The following RNLS variants were observed in gnomAD, a reference collection of about 807,000 sequenced individuals.
The protein encoded by RNLS is renalase, FAD dependent amine oxidase.
A neutral mutation model predicts 39.8 loss-of-function variants in RNLS; 39 were observed. That is an observed-to-expected ratio of 0.98 (90% CI 0.76 to 1.28). RNLS has a LOEUF of 1.28. Ranked by LOEUF, RNLS falls within the 50% of genes most tolerant of loss-of-function variation. The probability of loss-of-function intolerance (pLI) is 0.00; values close to 1 mark genes in which losing one functional copy is unlikely to be tolerated. For synonymous variants in RNLS, 147 were observed against 150.7 expected (o/e 0.98, Z 0.18); for missense variants, 410 against 413.3 (o/e 0.99, Z 0.07).
intron 4 of RNLS, among the ~76,000 whole-genome samples, chr10:88,415,701 T>C (rs560956228): frequency 2.0e-5 from 3 of 152,180 alleles, no homozygotes; most frequent in African/African-American, 7.2e-5. Flanking sequence ...GAGATATGCA[T>C]GTATGCTTCT....
chr10:88,496,018 AT>A (rs1845155033), intron 4 of RNLS, among the ~76,000 whole-genome samples: 1 of 152,118 alleles, frequency 6.6e-6, no homozygotes, highest in South Asian at 2.1e-4. Flanking sequence ...TAAGACAAAC[AT>A]TTTTAACTTG....
the RNLS span, among the ~76,000 whole-genome samples, chr10:88,224,277 G>T: frequency 6.6e-6 from 1 of 152,160 alleles, no homozygotes; most frequent in Non-Finnish European, 1.5e-5. Flanking sequence ...TTCTCACATG[G>T]CAGAAGGGCA....
chr10:88,397,240 T>C (rs776486080), intron 4 of RNLS, among the ~76,000 whole-genome samples: 1 of 151,898 alleles, frequency 6.6e-6, no homozygotes, highest in South Asian at 2.1e-4. Context: ...TTTCAGTAAA[T>C]TTAAAAGAAT....
chr10:88,477,973 T>C (rs545528582), intron 4 of RNLS, among the ~76,000 whole-genome samples: 6 of 152,206 alleles, frequency 3.9e-5, no homozygotes, highest in Non-Finnish European at 5.9e-5. Flanking sequence ...TATGAGGCCA[T>C]ATGGCCCAGT....
the RNLS span, among the ~76,000 whole-genome samples, chr10:88,177,024 C>T: frequency 0.017 from 2,654 of 152,264 alleles, 84 homozygotes; most frequent in African/African-American, 0.06. Flanking sequence ...TCTTCATCTT[C>T]ATCTTTTGAC....
chr10:88,274,515 T>C (rs1842740826), exon 7 of RNLS: 1 of 157,446 alleles, frequency 6.4e-6, no homozygotes, highest in South Asian at 1.9e-4. Flanking sequence ...TTGCAGCATG[T>C]CAGAATTTCC....
downstream of RNLS, among the ~76,000 whole-genome samples, chr10:88,273,692 C>T (rs1464923456): frequency 1.3e-5 from 2 of 152,108 alleles, no homozygotes; most frequent in Admixed American, 6.6e-5. Flanking sequence ...TTAAGCCAGA[C>T]TCCTAGATGA....
intron 4 of RNLS, among the ~76,000 whole-genome samples, chr10:88,570,070 G>A (rs1293693901): frequency 2.0e-5 from 3 of 151,988 alleles, no homozygotes; most frequent in African/African-American, 7.2e-5. Flanking sequence ...AACAGAAACA[G>A]GAAAAATTTC....
intron 6 of RNLS, among the ~76,000 whole-genome samples, chr10:88,306,479 C>T (rs11516994): frequency 6.6e-5 from 10 of 151,794 alleles, no homozygotes; most frequent in South Asian, 2.1e-4. Context: ...AAACACAATA[C>T]GAAAAAACAA....
the RNLS span, among the ~76,000 whole-genome samples, chr10:88,230,552 C>T: frequency 6.6e-6 from 1 of 152,228 alleles, no homozygotes; most frequent in African/African-American, 2.4e-5. Flanking sequence ...AATCTTTCCA[C>T]AGCGTACATC....
At chr10:88,319,040 C>T (rs1845977232) in intron 5 of RNLS, among the ~76,000 whole-genome samples, 1 of 152,164 alleles carries the variant, frequency 6.6e-6, no homozygotes, top group Admixed American at 6.5e-5. Flanking sequence ...GGGCTGAGTG[C>T]TAGTGTATGT....
At chr10:88,335,238 G>A (rs1265359092) in intron 5 of RNLS, among the ~76,000 whole-genome samples, 3 of 141,770 alleles carry the variant, frequency 2.1e-5, no homozygotes, top group East Asian at 4.1e-4. Flanking sequence ...TTTTCTTTGC[G>A]ACAATGTCTT....
At chr10:88,314,250 A>T (rs1845588656) in intron 6 of RNLS, among the ~76,000 whole-genome samples, 2 of 152,166 alleles carry the variant, frequency 1.3e-5, no homozygotes, top group Non-Finnish European at 2.9e-5. Flanking sequence ...ATTTGAAGAC[A>T]ACATTGGTGG....
At chr10:88,272,471 G>A (rs936143334), downstream of RNLS, among the ~76,000 whole-genome samples, 3 of 152,110 alleles carry the variant, frequency 2.0e-5, no homozygotes, top group East Asian at 3.9e-4. Context: ...TATAGAATAT[G>A]GATTCTTGGG....
At chr10:88,179,198 G>T in the RNLS span, among the ~76,000 whole-genome samples, 2 of 152,286 alleles carry the variant, frequency 1.3e-5, no homozygotes, top group Non-Finnish European at 1.5e-5. Flanking sequence ...GATTGAGGGT[G>T]GTGGTGTAAT....
At chr10:88,319,519 A>G (rs1283700766) in intron 5 of RNLS, among the ~76,000 whole-genome samples, 1 of 152,236 alleles carries the variant, frequency 6.6e-6, no homozygotes, top group East Asian at 1.9e-4. Flanking sequence ...TTGAAATCCA[A>G]TACAAAGAAA....
At chr10:88,218,015 G>C in the RNLS span, among the ~76,000 whole-genome samples, 3 of 152,042 alleles carry the variant, frequency 2.0e-5, no homozygotes, top group Admixed American at 6.6e-5. Flanking sequence ...ACTCCAGCCT[G>C]GGCAACAAGA....
chr10:88,519,831 G>C (rs1202732975), intron 4 of RNLS, among the ~76,000 whole-genome samples: 4 of 150,636 alleles, frequency 2.7e-5, no homozygotes, highest in African/African-American at 9.8e-5. Context: ...CTGAAACTCA[G>C]TCTCTGAGGT....
chr10:88,455,201 T>G (rs1310365745), intron 4 of RNLS, among the ~76,000 whole-genome samples: 1 of 151,930 alleles, frequency 6.6e-6, no homozygotes, highest in Admixed American at 6.6e-5. Context: ...ATAACCAGGA[T>G]GGCTACAGGT....
Sources: allele counts gnomAD v4.1 joint callset (sites outside exome capture counted in the v4.1 genomes callset), GRCh38; gene constraint gnomAD v4.1.1; transcripts MANE v1.5; gene names NCBI Gene and HGNC (gene_info 2026-07-23, HGNC 2026-07-21).